The following ZNF701 variants were observed in gnomAD, a reference collection of about 807,000 sequenced individuals.
ZNF701 encodes zinc finger protein 701.
In ZNF701, 6 loss-of-function variants were observed where a neutral mutation model predicts 7.1. The observed-to-expected ratio is 0.84, with a 90% CI of 0.46 to 1.66. ZNF701 has a LOEUF of 1.66. ZNF701 is among the 40% of genes most tolerant of loss of function. ZNF701 has a pLI of 0.01. For missense variants in ZNF701, 541 were observed against 559.2 expected (o/e 0.97, Z 0.33); for synonymous variants, 166 against 188.2 (o/e 0.88, Z 0.97).
chr19:52,571,387 G>T (rs1043756739), intron 1 of ZNF701, among the ~76,000 whole-genome samples: 1 of 152,104 alleles, frequency 6.6e-6, no homozygotes, highest in African/African-American at 2.4e-5. Flanking sequence ...AAACAGAGAA[G>T]AGAGAATTTA....
the ZNF701 span, chr19:52,595,532 A>G: frequency 3.8e-6 from 2 of 529,442 alleles, no homozygotes; most frequent in Non-Finnish European, 6.4e-6. Context: ...GTCCTCCCAA[A>G]GTGCTGGGAC....
the ZNF701 span, chr19:52,595,789 A>G: frequency 1.2e-6 from 2 of 1,602,804 alleles, no homozygotes; most frequent in African/African-American, 2.7e-5. Flanking sequence ...AAGAAATTTA[A>G]AGAAATGGCC....
intron 1 of ZNF701, among the ~76,000 whole-genome samples, 155 bp downstream of exon 1, chr19:52,570,485 T>C (rs918164991): frequency 9.9e-5 from 15 of 152,152 alleles, no homozygotes; most frequent in Non-Finnish European, 2.1e-4. Flanking sequence ...CGGAAGTCGC[T>C]TCCTTTTGTG....
chr19:52,580,275 T>G (rs1015009003), intron 3 of ZNF701, among the ~76,000 whole-genome samples: 3 of 152,170 alleles, frequency 2.0e-5, no homozygotes, highest in Non-Finnish European at 2.9e-5. Context: ...TCAGAATTAT[T>G]TCTGTGTATG....
At chr19:52,593,651 G>C in the ZNF701 span, among the ~76,000 whole-genome samples, 6 of 112,642 alleles carry the variant, frequency 5.3e-5, 1 homozygote, top group African/African-American at 2.1e-4. Context: ...CGGGGCGGCT[G>C]CCGGGCGGAG....
chr19:52,592,368 A>G, the ZNF701 span: 4 of 964,242 alleles, frequency 4.1e-6, 1 homozygote, highest in Non-Finnish European at 6.0e-6. Flanking sequence ...GATGACCCTC[A>G]TATTTGTCAT....
rs373104318 is a variant in ZNF701 at position 52,583,412 on chromosome 19, A to G, written c.1353A>G (p.Ser451=). Residue 451 remains serine, a synonymous_variant, in exon 4 of 4, where the codon TCA becomes TCG. Transcript: ENST00000391785. The stretch of plus-strand genomic sequence containing the variant: ...GTGGCAAGGTTTTTAATCGAAAATC[A>G]AACCTTGAACGTCATCATAGACTTC... ...NECGKVFNRK[S]NLERHHRLHT... 273 of 1,613,634 alleles carry G rather than the reference A, an allele frequency of 1.7e-4. 1 individual carries two copies. Among genetic ancestry groups the G allele is most frequent in the Non-Finnish European group, 3.1e-5 (36 of 1,179,804 alleles).
At chr19:52,572,392 T>G in intron 1 of ZNF701, 1 of 1,288,122 alleles carries the variant, frequency 7.8e-7, no homozygotes, top group Non-Finnish European at 1.0e-6. Context: ...TCTTTGTACA[T>G]CTGCATTTTA....
chr19:52,581,242 G>A (rs1226432089), intron 3 of ZNF701, among the ~76,000 whole-genome samples: 1 of 152,156 alleles, frequency 6.6e-6, no homozygotes, highest in Non-Finnish European at 1.5e-5. Context: ...CTTTTTGAGA[G>A]GTAGTCTCAC....
In ZNF701 at chr19:52,583,873, C is replaced by G. The variant is rs764761865; in HGVS notation, c.*416C>G. ...AGAATCCATAATGAAGGAGGTCTTA[C>G]AAGTGTAATAAATGTGGCAAGTTTT... On this transcript the variant is annotated 3_prime_UTR_variant, in exon 4 of 4. Coordinates refer to ENST00000391785, the MANE Select transcript of ZNF701 (RefSeq NM_018260.3). 28 of 473,738 alleles carry G rather than the reference C, an allele frequency of 5.9e-5. No homozygotes were observed. The highest frequency in any genetic ancestry group is 9.5e-5 in the South Asian group (5 of 52,768). The allele number at this position is 473,738 out of a possible 1,614,324, so 29.3% of individuals were successfully genotyped here.
chr19:52,573,512 C>T (rs562764233), intron 1 of ZNF701, among the ~76,000 whole-genome samples: 3 of 152,238 alleles, frequency 2.0e-5, no homozygotes, highest in South Asian at 2.1e-4. Flanking sequence ...GCTAGTATTA[C>T]AGGCATGAAC....
Position 52,575,249 on chromosome 19 carries a change from A to G in ZNF701, c.16-646A>G, listed in dbSNP as rs77169708. ...CCCCCAAAGTGCTGGGATTACAGGCATGAGCCACTGTGCCTGGCCTACTTT... is the reference window on the plus strand; with the variant it reads ...CCCCCAAAGTGCTGGGATTACAGGCGTGAGCCACTGTGCCTGGCCTACTTT... On this transcript the variant is annotated intron_variant, in intron 2 of 3. Coordinates refer to ENST00000391785, the MANE Select transcript of ZNF701 (RefSeq NM_018260.3). Among the ~76,000 whole-genome samples the G allele has an allele frequency of 2.5e-3, 386 of 152,248 alleles. 4 individuals are homozygous for G. Among genetic ancestry groups the G allele is most frequent in the Middle Eastern group, 0.014 (4 of 294 alleles).
Position 52,582,359 on chromosome 19 carries a change from G to A in ZNF701, c.300G>A (p.Gln100=), listed in dbSNP as rs1446317237. The change falls in exon 4 of 4, where the codon CAG becomes CAA. Residue 100 remains glutamine (Q), a synonymous_variant. Transcript: ENST00000391785. ...IEKDIHDFVF[Q]WQENETNGHE... is the part of the protein sequence containing the mutation. ...AAGATATTCATGACTTTGTGTTTCA[G>A]TGGCAAGAAAATGAAACAAATGGCC... The A allele has an allele frequency of 3.7e-6, 6 of 1,613,686 alleles. No homozygotes were observed. The highest frequency in any genetic ancestry group is 1.3e-5 in the African/African-American group (1 of 74,894).
chr19:52,583,779 G>T lies in ZNF701; in HGVS notation c.*322G>T. 1.6e-6 allele frequency: 1 copy of T among 639,986 alleles called. No individual in the cohort carries two copies. The highest frequency in any genetic ancestry group is 1.7e-5 in the South Asian group (1 of 58,064). The allele number at this position is 639,986 out of a possible 1,614,324, so 39.6% of individuals were successfully genotyped here. The stretch of plus-strand genomic sequence containing the variant: ...TCACCATCAAGCAATCCATGGTATA[G>T]GGAAACTTGACTAATGTAATGATTG... On this transcript the variant is annotated 3_prime_UTR_variant, in exon 4 of 4. Coordinates refer to ENST00000391785, the MANE Select transcript of ZNF701 (RefSeq NM_018260.3).
downstream of ZNF701, among the ~76,000 whole-genome samples, chr19:52,589,126 A>G (rs1349232585): frequency 1.3e-5 from 2 of 152,204 alleles, no homozygotes; most frequent in African/African-American, 2.4e-5. Flanking sequence ...ACATCTGGGA[A>G]GATTCCATCC....
At chr19:52,588,621 G>GGA (rs1208655064), downstream of ZNF701, 3 of 376,200 alleles carry the variant, frequency 8.0e-6, no homozygotes, top group Non-Finnish European at 1.5e-5. Context: ...CAGGTAAAGT[G>GGA]ATATTCCTCG....
In ZNF701 at chr19:52,575,883, T is replaced by A. The variant is rs202116609; in HGVS notation, c.16-12T>A. On this transcript the variant is annotated splice_polypyrimidine_tract_variant and intron_variant, in intron 2 of 3. Transcript: ENST00000391785. The stretch of plus-strand genomic sequence containing the variant: ...CCCATAACCATTTGCTTAAAATGTG[T>A]TTTCCTTTCAGGGTCTACTGACATT... 1,931 of 1,470,576 alleles carry A rather than the reference T, an allele frequency of 1.3e-3. 32 individuals are homozygous for A. In the African/African-American group the frequency reaches 0.025, roughly 19 times the overall value. The allele number at this position is 1,470,576 out of a possible 1,614,324, so 91.1% of individuals were successfully genotyped here. A position where few individuals can be genotyped will look rare whatever the true frequency, so the allele number is the denominator to read the frequency against.
chr19:52,577,992 T>C (rs1037622036), intron 3 of ZNF701, among the ~76,000 whole-genome samples: 4 of 152,056 alleles, frequency 2.6e-5, no homozygotes, highest in African/African-American at 9.7e-5. Flanking sequence ...CAGTGGCTCT[T>C]GCCTGTAATC....
the ZNF701 span, chr19:52,595,480 G>A: frequency 5.7e-6 from 2 of 351,264 alleles, no homozygotes; most frequent in East Asian, 6.4e-5. Flanking sequence ...CCATGTTAGC[G>A]AGGATGGTCT....
Sources: allele counts gnomAD v4.1 joint callset (sites outside exome capture counted in the v4.1 genomes callset), GRCh38; gene constraint gnomAD v4.1.1; transcripts MANE v1.5; gene names NCBI Gene and HGNC (gene_info 2026-07-23, HGNC 2026-07-21).